The following CFDP1 variants were observed in gnomAD, a reference collection of about 807,000 sequenced individuals.
The protein encoded by CFDP1 is chromatin remodeling protein CFDP1.
CFDP1 carries 31 observed loss-of-function variants against 40.1 expected under a neutral mutation model. The ratio of observed to expected loss-of-function variants is 0.77; its 90% CI spans 0.58 to 1.04. The LOEUF (loss-of-function observed/expected upper bound fraction) is 1.04. CFDP1 is among the 50% of genes least tolerant of loss of function. CFDP1 has a pLI of 0.00. For missense variants in CFDP1, 423 were observed against 343.4 expected, an observed-to-expected ratio of 1.23 and a Z score of -1.83; for synonymous variants, 167 against 120.0, an observed-to-expected ratio of 1.39 and a Z score of -2.56.
intron 5 of CFDP1, among the ~76,000 whole-genome samples, chr16:75,363,301 C>T (rs922819269): frequency 2.0e-5 from 3 of 151,780 alleles, no homozygotes; most frequent in African/African-American, 7.3e-5. Context: ...TTTGCCATCC[C>T]CTCTTGTGAC....
intron 5 of CFDP1, among the ~76,000 whole-genome samples, chr16:75,365,875 G>T (rs2078710160): frequency 6.6e-6 from 1 of 152,134 alleles, no homozygotes; most frequent in South Asian, 2.1e-4. Flanking sequence ...AGATCAAAAA[G>T]GCCAACACTA....
At chr16:75,425,323 G>T (rs1219199594) in intron 1 of CFDP1, among the ~76,000 whole-genome samples, 1 of 145,458 alleles carries the variant, frequency 6.9e-6, no homozygotes, top group Non-Finnish European at 1.5e-5. Flanking sequence ...GGAGGTAGAG[G>T]TTGCAGTGAG....
intron 5 of CFDP1, among the ~76,000 whole-genome samples, chr16:75,383,811 C>T (rs927945132): frequency 2.7e-5 from 3 of 111,680 alleles, no homozygotes; most frequent in Admixed American, 1.0e-4. Flanking sequence ...GAGCGAGACT[C>T]CGTCTTAAAA....
chr16:75,328,577 C>T (rs1239936167), intron 5 of CFDP1, among the ~76,000 whole-genome samples: 12 of 106,524 alleles, frequency 1.1e-4, no homozygotes, highest in African/African-American at 2.3e-4. Flanking sequence ...CCAGCCTGGG[C>T]GACAAGAATG....
chr16:75,425,670 AAAAG>A (rs1567684038), intron 1 of CFDP1, among the ~76,000 whole-genome samples: 1 of 152,022 alleles, frequency 6.6e-6, no homozygotes, highest in Non-Finnish European at 1.5e-5. Context: ...GAAAAAAAAA[AAAAG>A]AATCCATAAC....
chr16:75,369,815 C>T (rs980749675), intron 5 of CFDP1, among the ~76,000 whole-genome samples: 6 of 151,274 alleles, frequency 4.0e-5, no homozygotes, highest in East Asian at 2.0e-4. Context: ...TGCAGTGAAG[C>T]GATCTTGGCT....
At chr16:75,332,738 A>G (rs2078455172) in intron 5 of CFDP1, among the ~76,000 whole-genome samples, 1 of 151,178 alleles carries the variant, frequency 6.6e-6, no homozygotes, top group Non-Finnish European at 1.5e-5. Flanking sequence ...TATATATAAA[A>G]ACATATTTCA....
chr16:75,328,538 G>A (rs1303193421), intron 5 of CFDP1, among the ~76,000 whole-genome samples: 39 of 141,356 alleles, frequency 2.8e-4, no homozygotes, highest in Middle Eastern at 7.8e-3. Flanking sequence ...GGCGGAGGGC[G>A]CAGTGAGCCA....
chr16:75,304,875 A>G, intron 6 of CFDP1, 149 bp downstream of exon 6: 1 of 847,334 alleles, frequency 1.2e-6, no homozygotes, highest in African/African-American at 1.7e-5. Context: ...ACACTGGAAC[A>G]GAGACTTACT....
At chr16:75,365,055 C>T (rs2078704528) in intron 5 of CFDP1, among the ~76,000 whole-genome samples, 1 of 152,154 alleles carries the variant, frequency 6.6e-6, no homozygotes, top group Admixed American at 6.5e-5. Context: ...CAACACGACA[C>T]GAATTTCACC....
chr16:75,333,475 T>C (rs2078463120), intron 5 of CFDP1, among the ~76,000 whole-genome samples: 1 of 152,326 alleles, frequency 6.6e-6, no homozygotes, highest in Non-Finnish European at 1.5e-5. Context: ...ATTATTTGCA[T>C]GGCTACTAAG....
At chr16:75,369,192 G>A (rs1175505201) in intron 5 of CFDP1, among the ~76,000 whole-genome samples, 1 of 152,064 alleles carries the variant, frequency 6.6e-6, no homozygotes, top group East Asian at 1.9e-4. Flanking sequence ...ACGTAAATAA[G>A]ACTGATTTCG....
intron 5 of CFDP1, among the ~76,000 whole-genome samples, chr16:75,372,017 T>C (rs1395073651): frequency 6.6e-6 from 1 of 152,190 alleles, no homozygotes; most frequent in African/African-American, 2.4e-5. Flanking sequence ...AAAACAGCTC[T>C]ATGAAGTAGG....
At chr16:75,300,820 T>C (rs957206216) in intron 6 of CFDP1, among the ~76,000 whole-genome samples, 1 of 151,550 alleles carries the variant, frequency 6.6e-6, no homozygotes, top group South Asian at 2.1e-4. Context: ...CAGTAGAGAA[T>C]GGTAGCTGCA....
chr16:75,397,027 C>T (rs2078999735), intron 4 of CFDP1, among the ~76,000 whole-genome samples: 1 of 152,004 alleles, frequency 6.6e-6, no homozygotes. Flanking sequence ...CATTCTCCTG[C>T]CTCAGCCTCC....
intron 5 of CFDP1, among the ~76,000 whole-genome samples, chr16:75,352,153 G>A (rs1334641370): frequency 1.3e-5 from 2 of 151,532 alleles, no homozygotes; most frequent in East Asian, 1.9e-4. Flanking sequence ...CCAGCCTGGC[G>A]AACATGGCAA....
intron 5 of CFDP1, among the ~76,000 whole-genome samples, chr16:75,322,369 C>T (rs1027227163): frequency 2.0e-5 from 3 of 152,156 alleles, no homozygotes; most frequent in African/African-American, 7.2e-5. Context: ...TCATGTGTTG[C>T]TTATGTTCTG....
chr16:75,371,986 A>G (rs1597360948), intron 5 of CFDP1, among the ~76,000 whole-genome samples: 1 of 152,336 alleles, frequency 6.6e-6, no homozygotes, highest in African/African-American at 2.4e-5. Flanking sequence ...CTGTAGTGAC[A>G]CCTTATCTCA....
chr16:75,297,543 G>A (rs904564421), intron 6 of CFDP1, among the ~76,000 whole-genome samples: 55 of 152,258 alleles, frequency 3.6e-4, no homozygotes, highest in African/African-American at 1.1e-3. Flanking sequence ...TGGGAATCAC[G>A]GCTCTTGCTC....
Sources: allele counts gnomAD v4.1 joint callset (sites outside exome capture counted in the v4.1 genomes callset), GRCh38; gene constraint gnomAD v4.1.1; transcripts MANE v1.5; gene names NCBI Gene and HGNC (gene_info 2026-07-23, HGNC 2026-07-21).